Variants in ADK observed in about 807,000 individuals in gnomAD.
ADK encodes N6,N6-dimethyladenosine kinase.
A neutral mutation model predicts 44.7 loss-of-function variants in ADK; 24 were observed. That is an observed-to-expected ratio of 0.54 (90% CI 0.39 to 0.76). The LOEUF (loss-of-function observed/expected upper bound fraction) is 0.76. Ranked by LOEUF, ADK falls within the 30% of genes least tolerant of loss-of-function variation. The probability of loss-of-function intolerance (pLI) is 0.00; values close to 1 mark genes in which losing one functional copy is unlikely to be tolerated. For missense variants in ADK, 321 were observed against 425.1 expected (o/e 0.76, Z 2.15); for synonymous variants, 128 against 142.6 (o/e 0.90, Z 0.73).
chr10:74,458,057 T>C (rs1846020465), intron 6 of ADK, among the ~76,000 whole-genome samples: 1 of 151,334 alleles, frequency 6.6e-6, no homozygotes, highest in Admixed American at 6.6e-5. Context: ...AAAGATTGGG[T>C]ATTTCACATC....
intron 10 of ADK, among the ~76,000 whole-genome samples, chr10:74,692,155 A>G (rs1856011859): frequency 6.6e-6 from 1 of 152,172 alleles, no homozygotes. Flanking sequence ...CATTATCGAT[A>G]CAATAAAATA....
At chr10:74,703,450 C>T (rs1460924214) in intron 10 of ADK, among the ~76,000 whole-genome samples, 1 of 152,036 alleles carries the variant, frequency 6.6e-6, no homozygotes, top group Non-Finnish European at 1.5e-5. Context: ...TATGCCACTG[C>T]ACTCCAGCCT....
chr10:74,631,084 T>G (rs918617403), intron 9 of ADK, among the ~76,000 whole-genome samples: 1 of 152,080 alleles, frequency 6.6e-6, no homozygotes, highest in African/African-American at 2.4e-5. Context: ...CTTCCTTACA[T>G]TCTGCGACCA....
chr10:74,485,545 CA>C (rs1183685430), intron 6 of ADK, among the ~76,000 whole-genome samples: 1 of 151,872 alleles, frequency 6.6e-6, no homozygotes, highest in Non-Finnish European at 1.5e-5. Context: ...ATGTAATCCA[CA>C]ATGAGGTATC....
At chr10:74,356,849 T>C (rs976409067) in intron 4 of ADK, among the ~76,000 whole-genome samples, 39 of 152,250 alleles carry the variant, frequency 2.6e-4, no homozygotes, top group African/African-American at 8.7e-4. Flanking sequence ...ACAGTGCCAA[T>C]TGTATAAGGA....
At chr10:74,398,427 A>G in intron 5 of ADK, 44 bp from the exon 6 acceptor site, 1 of 1,338,796 alleles carries the variant, frequency 7.5e-7, no homozygotes, top group Non-Finnish European at 1.1e-6. Context: ...AACATATGCT[A>G]AGTTTGACTA....
intron 10 of ADK, among the ~76,000 whole-genome samples, chr10:74,673,670 C>T (rs992313702): frequency 1.5e-4 from 23 of 152,316 alleles, no homozygotes; most frequent in African/African-American, 5.5e-4. Context: ...TTGAGTGACC[C>T]TCCATTGTCA....
chr10:74,532,900 A>G (rs1182809928), intron 7 of ADK, among the ~76,000 whole-genome samples: 1 of 138,630 alleles, frequency 7.2e-6, no homozygotes, highest in Non-Finnish European at 1.6e-5. Flanking sequence ...AGTCTGGGCG[A>G]CAGAGCAAGA....
At chr10:74,177,999 T>C (rs1426683570) in intron 1 of ADK, among the ~76,000 whole-genome samples, 1 of 148,920 alleles carries the variant, frequency 6.7e-6, no homozygotes, top group Non-Finnish European at 1.5e-5. Context: ...TGGAGTGCAA[T>C]GGCGCGCTCT....
At chr10:74,405,862 T>A (rs187601506) in intron 6 of ADK, among the ~76,000 whole-genome samples, 1 of 152,282 alleles carries the variant, frequency 6.6e-6, no homozygotes, top group East Asian at 1.9e-4. Context: ...CTGTTCCTTC[T>A]ATTTTTTTTT....
At chr10:74,346,235 T>A (rs1564666251) in intron 4 of ADK, among the ~76,000 whole-genome samples, 1 of 152,126 alleles carries the variant, frequency 6.6e-6, no homozygotes, top group East Asian at 1.9e-4. Flanking sequence ...TGTTTTTTTT[T>A]CTTCCCAATG....
intron 4 of ADK, among the ~76,000 whole-genome samples, chr10:74,345,508 G>C (rs888951700): frequency 6.6e-6 from 1 of 152,058 alleles, no homozygotes; most frequent in African/African-American, 2.4e-5. Context: ...AGGTCTCACT[G>C]TATTGTCCAG....
chr10:74,561,978 ATTC>A (rs1850481196), intron 7 of ADK, among the ~76,000 whole-genome samples: 1 of 152,232 alleles, frequency 6.6e-6, no homozygotes, highest in Admixed American at 6.5e-5. Flanking sequence ...GTGAGATTGT[ATTC>A]TTAACTGTCT....
intron 9 of ADK, among the ~76,000 whole-genome samples, chr10:74,643,131 C>A (rs1329488522): frequency 6.6e-6 from 1 of 152,056 alleles, no homozygotes; most frequent in Non-Finnish European, 1.5e-5. Flanking sequence ...CATGACTCAC[C>A]ATGCTTAGCC....
intron 4 of ADK, among the ~76,000 whole-genome samples, chr10:74,373,497 T>C (rs1453329542): frequency 1.3e-5 from 2 of 152,088 alleles, no homozygotes; most frequent in Non-Finnish European, 2.9e-5. Context: ...CTTTAAAAAA[T>C]GGGCAGAATA....
chr10:74,430,776 T>C (rs1592203115), intron 6 of ADK, among the ~76,000 whole-genome samples: 1 of 151,726 alleles, frequency 6.6e-6, no homozygotes, highest in Non-Finnish European at 1.5e-5. Flanking sequence ...AAAAAAGCCA[T>C]ACAGCTGTTT....
At chr10:74,520,767 G>T (rs1848789400) in intron 6 of ADK, among the ~76,000 whole-genome samples, 1 of 151,998 alleles carries the variant, frequency 6.6e-6, no homozygotes, top group Non-Finnish European at 1.5e-5. Context: ...ACGGTTGTTT[G>T]GTTCTATTTT....
chr10:74,540,165 T>G (rs1040833972), intron 7 of ADK, among the ~76,000 whole-genome samples: 3 of 152,056 alleles, frequency 2.0e-5, no homozygotes, highest in African/African-American at 7.2e-5. Flanking sequence ...TAAAAAAAAT[T>G]ATTAGAAAAT....
intron 10 of ADK, among the ~76,000 whole-genome samples, chr10:74,703,944 T>C (rs913593314): frequency 6.6e-6 from 1 of 152,252 alleles, no homozygotes; most frequent in African/African-American, 2.4e-5. Flanking sequence ...AGATGCTTTT[T>C]GTACTATTTT....
Sources: gnomAD v4.1 joint callset for allele counts (sites outside exome capture counted in the v4.1 genomes callset) on GRCh38, gnomAD v4.1.1 for gene constraint, MANE v1.5 for transcripts, NCBI Gene and HGNC (gene_info 2026-07-23, HGNC 2026-07-21) for gene names.